PCDHGA9: variants seen among roughly 807,000 people sequenced by gnomAD.
PCDHGA9 encodes the protein protocadherin gamma subfamily A, 9.
PCDHGA9 carries 37 observed loss-of-function variants against 62.5 expected under a neutral mutation model. The ratio of observed to expected loss-of-function variants is 0.59; its 90% CI spans 0.46 to 0.78. PCDHGA9 has a LOEUF of 0.78. Among genes scored for constraint, PCDHGA9 ranks in the 30% least tolerant of loss-of-function variants. The probability of loss-of-function intolerance (pLI) is 0.00; values close to 1 mark genes in which losing one functional copy is unlikely to be tolerated. For synonymous variants in PCDHGA9, 459 were observed against 484.6 expected, an observed-to-expected ratio of 0.95 and a Z score of 0.69; for missense variants, 1,138 against 1,166.2, an observed-to-expected ratio of 0.98 and a Z score of 0.35.
At chr5:141,478,042 G>A (rs1358652557) in intron 1 of PCDHGA9, 18 of 1,614,152 alleles carry the variant, frequency 1.1e-5, no homozygotes, top group Non-Finnish European at 1.5e-5. Flanking sequence ...CACCCAGGCA[G>A]ACTCTCACGG....
At chr5:141,418,817 G>A (rs2154547923) in intron 1 of PCDHGA9, 1 of 1,613,882 alleles carries the variant, frequency 6.2e-7, no homozygotes, top group Non-Finnish European at 8.5e-7. Flanking sequence ...GATAAACATA[G>A]AAGCAAAAGA....
At chr5:141,478,665 A>G (rs749063178) in intron 1 of PCDHGA9, 88 of 1,551,690 alleles carry the variant, frequency 5.7e-5, no homozygotes, top group Non-Finnish European at 3.7e-5. Flanking sequence ...ATGCATTCAC[A>G]CTTTCAACTG....
At chr5:141,505,044 C>G (rs1446394128) in intron 2 of PCDHGA9, among the ~76,000 whole-genome samples, 3 of 152,156 alleles carry the variant, frequency 2.0e-5, no homozygotes, top group African/African-American at 7.2e-5. Context: ...TGCCTGTCAT[C>G]CCAGCTACTT....
Position 141,432,670 on chromosome 5 carries a change from G to A in PCDHGA9, c.2424+27294G>A, listed in dbSNP as rs749221752. ...CGCGAGCCCTGCTGGACAGAGACGC[G>A]CTCAAGCAGAGCCTCGTAGTGGCCG... On this transcript the variant is annotated intron_variant, in intron 1 of 3. Coordinates refer to ENST00000573521, the MANE Select transcript of PCDHGA9 (RefSeq NM_018921.3). The surrounding 1 kb of genome is among the most constrained non-coding windows in gnomAD (Gnocchi z 6.0). The A allele has an allele frequency of 6.8e-6, 11 of 1,613,748 alleles. No individual in the cohort carries two copies. The East Asian group carries it at 1.8e-4, about 26-fold the overall frequency.
Position 141,485,567 on chromosome 5 carries a change from C to G in PCDHGA9, c.2425-9240C>G. The stretch of plus-strand genomic sequence containing the variant: ...CGTAGATGTGAATGATCACGCCCCC[C>G]GTTTTCCGCGGCAGCAGCTGGACTT... On this transcript the variant is annotated intron_variant, in intron 1 of 3. Transcript: ENST00000573521. This position sits in a 1 kb window ranked among gnomAD's most constrained non-coding sequence, Gnocchi z 5.7. 1 of 1,612,882 alleles carries G rather than the reference C, an allele frequency of 6.2e-7. No individual in the cohort carries two copies. The highest frequency in any genetic ancestry group is 8.5e-7 in the Non-Finnish European group (1 of 1,178,978).
At position 141,403,978 on chromosome 5, in the gene PCDHGA9, C is replaced by T. The variant is rs965753943; in HGVS notation, c.1026C>T (p.Asp342=). Residue 342 remains aspartate, a synonymous_variant, in exon 1 of 4, where the codon GAC becomes GAT. Coordinates refer to ENST00000573521, the MANE Select transcript of PCDHGA9 (RefSeq NM_018921.3). The stretch of plus-strand genomic sequence containing the variant: ...TCATTTCGGTGGAAGATGTAAATGA[C>T]AATAGACCTGAAGTGACCATTACAT... ...KVLISVEDVN[D]NRPEVTITSL... The T allele has an allele frequency of 1.2e-6, 2 of 1,613,714 alleles. No homozygotes were observed. Among genetic ancestry groups the T allele is most frequent in the African/African-American group, 2.7e-5 (2 of 74,982 alleles).
chr5:141,419,461 C>T, intron 1 of PCDHGA9: 2 of 1,612,628 alleles, frequency 1.2e-6, no homozygotes, highest in Non-Finnish European at 1.7e-6. Flanking sequence ...CGCTGCAGGC[C>T]CGCGACCAGG....
Position 141,432,089 on chromosome 5 carries a change from G to A in PCDHGA9, c.2424+26713G>A, listed in dbSNP as rs1325165974. On this transcript the variant is annotated intron_variant, in intron 1 of 3. Transcript: ENST00000573521. The surrounding 1 kb of genome is among the most constrained non-coding windows in gnomAD (Gnocchi z 6.0). Reference sequence around the variant, plus strand: ...AACTCATATCTCGCTGAACGTGGCAGACACCAACGACAACCCGCCGGTCTT... The same window carrying A: ...AACTCATATCTCGCTGAACGTGGCAAACACCAACGACAACCCGCCGGTCTT... The A allele has an allele frequency of 6.2e-7, 1 of 1,614,046 alleles. No homozygotes were observed. Among genetic ancestry groups the A allele is most frequent in the Non-Finnish European group, 8.5e-7 (1 of 1,180,052 alleles).
At chr5:141,496,838 T>C (rs182118142) in intron 2 of PCDHGA9, among the ~76,000 whole-genome samples, 39 of 150,790 alleles carry the variant, frequency 2.6e-4, no homozygotes, top group African/African-American at 8.3e-4. Flanking sequence ...CCAGAACTCA[T>C]AGGCTTCCAG....
At position 141,511,563 on chromosome 5, in the gene PCDHGA9, C is replaced by T. The variant is rs911782127; in HGVS notation, c.*390C>T. ...CCCCACTCCAACAGTTCCTCTTTCCCGAGTAAGGTGGTTGGGGTGTTGAAG... is the reference window on the plus strand; with the variant it reads ...CCCCACTCCAACAGTTCCTCTTTCCTGAGTAAGGTGGTTGGGGTGTTGAAG... On this transcript the variant is annotated 3_prime_UTR_variant, in exon 4 of 4. Coordinates refer to ENST00000573521, the MANE Select transcript of PCDHGA9 (RefSeq NM_018921.3). The T allele has an allele frequency of 7.8e-5, 23 of 295,048 alleles. No homozygotes were observed. The highest frequency in any genetic ancestry group is 3.4e-4 in the African/African-American group (16 of 46,532). The allele number at this position is 295,048 out of a possible 1,614,324, so 18.3% of individuals were successfully genotyped here. A position where few individuals can be genotyped will look rare whatever the true frequency, so the allele number is the denominator to read the frequency against.
intron 1 of PCDHGA9, chr5:141,418,233 ATGT>A: frequency 6.2e-7 from 1 of 1,614,048 alleles, no homozygotes; most frequent in Admixed American, 1.7e-5. Context: ...GTGATTGAGG[ATGT>A]TAATGACCAC....
In PCDHGA9 at chr5:141,409,025, G is replaced by T. The variant is rs202094928; in HGVS notation, c.2424+3649G>T. Reference sequence around the variant, plus strand: ...CACTGACCAGGATGAGGGGGTCAATGCTGAGATAAACTACTACTTCCGAAG... The same window carrying T: ...CACTGACCAGGATGAGGGGGTCAATTCTGAGATAAACTACTACTTCCGAAG... On this transcript the variant is annotated intron_variant, in intron 1 of 3. Coordinates refer to ENST00000573521, the MANE Select transcript of PCDHGA9 (RefSeq NM_018921.3). 2.9e-3 allele frequency: 4,667 copies of T among 1,614,008 alleles called. 11 individuals are homozygous for T. The highest frequency in any genetic ancestry group is 3.6e-3 in the Non-Finnish European group (4,254 of 1,179,906).
intron 1 of PCDHGA9, among the ~76,000 whole-genome samples, chr5:141,451,430 T>C (rs1441183396): frequency 2.0e-5 from 3 of 152,240 alleles, no homozygotes; most frequent in Non-Finnish European, 4.4e-5. Context: ...AGACTAAGGG[T>C]TCCAGTTCCT....
At chr5:141,408,214 C>CT (rs1471079476) in intron 1 of PCDHGA9, 1 of 1,555,074 alleles carries the variant, frequency 6.4e-7, no homozygotes. Flanking sequence ...TGGGAGGGAG[C>CT]TGCGCGCAGA....
In PCDHGA9 at chr5:141,486,042, G is replaced by A; in HGVS notation, c.2425-8765G>A. The A allele has an allele frequency of 6.2e-7, 1 of 1,614,180 alleles. No individual in the cohort carries two copies. The highest frequency in any genetic ancestry group is 8.5e-7 in the Non-Finnish European group (1 of 1,180,030). On this transcript the variant is annotated intron_variant, in intron 1 of 3. Coordinates refer to ENST00000573521, the MANE Select transcript of PCDHGA9 (RefSeq NM_018921.3). This position sits in a 1 kb window ranked among gnomAD's most constrained non-coding sequence, Gnocchi z 5.0. The stretch of plus-strand genomic sequence containing the variant: ...AGTGGTCATACCCCTGATCGTGTAA[G>A]AAACCTCTTTAGCCTGCACCCCACT...
chr5:141,419,325 ACT>A (rs1329600066), intron 1 of PCDHGA9: 33 of 1,613,586 alleles, frequency 2.0e-5, no homozygotes, highest in Non-Finnish European at 2.6e-5. Flanking sequence ...CGTGTCTCCT[ACT>A]CTCTCATTGC....
chr5:141,414,721 G>A (rs373261988), intron 1 of PCDHGA9: 29 of 1,614,004 alleles, frequency 1.8e-5, no homozygotes, highest in Middle Eastern at 1.6e-4. Flanking sequence ...CTCAGACACT[G>A]GCGTCCTGTA....
chr5:141,415,594 G>A (rs753362668), intron 1 of PCDHGA9: 1 of 1,613,866 alleles, frequency 6.2e-7, no homozygotes, highest in Non-Finnish European at 8.5e-7. Context: ...TCCTATAGAG[G>A]ATACCCCATT....
In PCDHGA9 at chr5:141,489,104, A is replaced by C; in HGVS notation, c.2425-5703A>C. The stretch of plus-strand genomic sequence containing the variant: ...CCACTCGGTGACTAAGAACTGCTGC[A>C]AGCAGGCAAACCTCCGAGCAGTTTT... On this transcript the variant is annotated intron_variant, in intron 1 of 3. Coordinates refer to ENST00000573521, the MANE Select transcript of PCDHGA9 (RefSeq NM_018921.3). The surrounding 1 kb of genome is among the most constrained non-coding windows in gnomAD (Gnocchi z 4.5). 2.5e-6 allele frequency: 1 copy of C among 405,816 alleles called. No individual in the cohort carries two copies. Among genetic ancestry groups the C allele is most frequent in the Non-Finnish European group, 4.3e-6 (1 of 232,372 alleles). 25.1% of individuals were successfully genotyped at this position (405,816 alleles called of 1,614,324 possible). A position where few individuals can be genotyped will look rare whatever the true frequency, so the allele number is the denominator to read the frequency against.
Sources: gnomAD v4.1 joint callset for allele counts (sites outside exome capture counted in the v4.1 genomes callset) on GRCh38, gnomAD v4.1.1 for gene constraint, Gnocchi (gnomAD v3.1) non-coding constraint, MANE v1.5 for transcripts, NCBI Gene and HGNC (gene_info 2026-07-23, HGNC 2026-07-21) for gene names.